The following KNG1 variants were observed in gnomAD, a reference collection of about 807,000 sequenced individuals.
KNG1 encodes kininogen 1.
Under a neutral mutation model 47.8 loss-of-function variants are expected in KNG1, and 23 were observed. The ratio of observed to expected loss-of-function variants is 0.48; its 90% CI spans 0.35 to 0.68. The LOEUF (loss-of-function observed/expected upper bound fraction) is 0.68, where lower values mean the gene tolerates loss of function less well. KNG1 is among the 30% of genes least tolerant of loss of function. KNG1 has a pLI of 0.01. For synonymous variants in KNG1, 277 were observed against 277.0 expected, an observed-to-expected ratio of 1.00 and a Z score of 0.00; for missense variants, 762 against 790.2, an observed-to-expected ratio of 0.96 and a Z score of 0.43.
chr3:186,737,807 G>C (rs536220618), intron 7 of KNG1, among the ~76,000 whole-genome samples: 1 of 151,972 alleles, frequency 6.6e-6, no homozygotes, highest in Non-Finnish European at 1.5e-5. Flanking sequence ...TGATCTGCCC[G>C]CCTCAGGCCC....
At chr3:186,722,145 G>T in intron 2 of KNG1, 1 of 211,958 alleles carries the variant, frequency 4.7e-6, no homozygotes, top group Non-Finnish European at 9.1e-6. Flanking sequence ...AAAAAAATAG[G>T]AAACAAAAGA....
intron 1 of KNG1, 188 bp downstream of exon 1, chr3:186,717,925 AC>A (rs1274582911): frequency 7.8e-6 from 3 of 387,096 alleles, no homozygotes; most frequent in African/African-American, 5.2e-5. Flanking sequence ...ATCCACCACC[AC>A]CCACCACCCA....
intron 2 of KNG1, 180 bp downstream of exon 2, chr3:186,720,395 T>C (rs953031810): frequency 6.5e-6 from 4 of 620,022 alleles, no homozygotes; most frequent in Non-Finnish European, 1.2e-5. Flanking sequence ...AGAAAAATCA[T>C]GGAGAAGCCA....
chr3:186,733,851 C>G (rs1283017754), intron 7 of KNG1, among the ~76,000 whole-genome samples: 1 of 152,076 alleles, frequency 6.6e-6, no homozygotes, highest in Admixed American at 6.6e-5. Flanking sequence ...GCCTGTAATC[C>G]CAGCTACTCG....
At chr3:186,739,271 G>A in intron 8 of KNG1, 57 bp from the exon 9 acceptor site, 2 of 1,581,252 alleles carry the variant, frequency 1.3e-6, no homozygotes, top group Non-Finnish European at 8.7e-7. Flanking sequence ...AGAATCATTT[G>A]TTTAAATGTC....
At chr3:186,721,528 G>A (rs1203858444) in intron 2 of KNG1, 1 of 152,224 alleles carries the variant, frequency 6.6e-6, no homozygotes, top group Non-Finnish European at 1.5e-5. Context: ...GGCATTTTGT[G>A]TGTGTTTGCA....
chr3:186,722,672 A>T, intron 3 of KNG1, 151 bp downstream of exon 3: 1 of 704,154 alleles, frequency 1.4e-6, no homozygotes, highest in Non-Finnish European at 2.5e-6. Flanking sequence ...GGAGCGGCAG[A>T]GCCCGGAGGT....
chr3:186,722,329 A>AGTCTT (rs1720226419), intron 2 of KNG1, 108 bp from the exon 3 acceptor site: 2 of 858,184 alleles, frequency 2.3e-6, no homozygotes, highest in East Asian at 5.3e-5. Context: ...AATCTTCACA[A>AGTCTT]GTTTTGTTTT....
intron 3 of KNG1, among the ~76,000 whole-genome samples, chr3:186,723,010 A>C (rs980871788): frequency 2.0e-5 from 3 of 152,230 alleles, no homozygotes; most frequent in African/African-American, 7.2e-5. Flanking sequence ...CTAACATATT[A>C]ATCATAATAA....
At position 186,742,165 on chromosome 3, in the gene KNG1, A is replaced by G. The variant is rs1161645091; in HGVS notation, c.1769A>G (p.Asp590Gly). ...CAGAGTGATGACGATTGGATCCCTG[A>G]TATCCAGATAGACCCAAATGGCCTT... ...PIQSDDDWIP[D>G]IQIDPNGLSF... Residue 590 changes from aspartate to glycine, a missense_variant, in exon 10 of 10, where the codon GAT becomes GGT. Coordinates refer to ENST00000644859, the MANE Select transcript of KNG1 (RefSeq NM_001102416.3). 1 of 1,614,182 alleles carries G rather than the reference A, an allele frequency of 6.2e-7. No homozygotes were observed.
chr3:186,732,354 T>C, intron 6 of KNG1, 148 bp from the exon 7 acceptor site: 1 of 712,984 alleles, frequency 1.4e-6, no homozygotes, highest in Non-Finnish European at 2.5e-6. Flanking sequence ...GAAGTGAAAG[T>C]CAGACAGACA....
At chr3:186,735,055 T>C (rs1388738432) in intron 7 of KNG1, among the ~76,000 whole-genome samples, 2 of 152,252 alleles carry the variant, frequency 1.3e-5, no homozygotes, top group African/African-American at 4.8e-5. Context: ...TCTGATTTCA[T>C]TGCCATATGA....
Position 186,742,040 on chromosome 3 carries a change from C to T in KNG1, c.1644C>T (p.Ile548=), listed in dbSNP as rs368847123. ...TQEKTEGPTP[I]PSLAKPGVTV... ...AGAAGACAGAAGGGCCAACACCCAT[C>T]CCTTCCCTAGCCAAGCCAGGTGTAA... The change falls in exon 10 of 10, where the codon ATC becomes ATT. Residue 548 remains isoleucine, a synonymous_variant. Coordinates refer to ENST00000644859, the MANE Select transcript of KNG1 (RefSeq NM_001102416.3). 117 of 1,613,956 alleles carry T rather than the reference C, an allele frequency of 7.2e-5. No homozygotes were observed. The highest frequency in any genetic ancestry group is 9.6e-5 in the Non-Finnish European group (113 of 1,179,924).
intron 5 of KNG1, among the ~76,000 whole-genome samples, chr3:186,730,320 A>G (rs960052425): frequency 3.9e-5 from 6 of 151,956 alleles, no homozygotes; most frequent in Admixed American, 1.3e-4. Flanking sequence ...TCTGCTTTGT[A>G]AAATGTATTG....
intron 3 of KNG1, 48 bp from the exon 4 acceptor site, chr3:186,725,040 T>G (rs1720314407): frequency 1.3e-5 from 21 of 1,603,854 alleles, no homozygotes; most frequent in Non-Finnish European, 1.8e-5. Flanking sequence ...TGTATGCGAA[T>G]GCTGATTGCG....
At chr3:186,734,195 T>A (rs1047686966) in intron 7 of KNG1, among the ~76,000 whole-genome samples, 2 of 152,212 alleles carry the variant, frequency 1.3e-5, no homozygotes, top group African/African-American at 4.8e-5. Flanking sequence ...ATTGAATTTC[T>A]AGGAATCTAA....
chr3:186,736,514 T>A (rs973851905), intron 7 of KNG1: 1 of 152,236 alleles, frequency 6.6e-6, no homozygotes, highest in African/African-American at 2.4e-5. Context: ...GATTACAGTT[T>A]CATATAAGTT....
At chr3:186,721,069 G>A (rs549467883) in intron 2 of KNG1, among the ~76,000 whole-genome samples, 4 of 152,228 alleles carry the variant, frequency 2.6e-5, no homozygotes, top group East Asian at 1.9e-4. Context: ...GATTACAGGC[G>A]TGAGCCACCA....
intron 8 of KNG1, 28 bp from the exon 9 acceptor site, chr3:186,739,300 C>T (rs556428162): frequency 1.9e-6 from 3 of 1,595,248 alleles, no homozygotes; most frequent in Non-Finnish European, 2.6e-6. Context: ...AACACTGTCT[C>T]TCTTTCGACT....
Sources: allele counts gnomAD v4.1 joint callset (sites outside exome capture counted in the v4.1 genomes callset), GRCh38; gene constraint gnomAD v4.1.1; transcripts MANE v1.5; gene names NCBI Gene and HGNC (gene_info 2026-07-23, HGNC 2026-07-21).